Variants in PCDH15 observed in about 807,000 individuals in gnomAD.
PCDH15 encodes the protein protocadherin-15.
PCDH15 carries 129 observed loss-of-function variants against 178.5 expected under a neutral mutation model. The observed-to-expected ratio is 0.72, with a 90% CI of 0.63 to 0.84. The LOEUF is 0.84. Among genes scored for constraint, PCDH15 ranks in the 40% least tolerant of loss-of-function variants. The probability of loss-of-function intolerance (pLI) is 0.00; values close to 1 mark genes in which losing one functional copy is unlikely to be tolerated. For synonymous variants in PCDH15, 800 were observed against 732.0 expected (o/e 1.09, Z -1.50); for missense variants, 2,230 against 2,099.9 (o/e 1.06, Z -1.21).
intron 18 of PCDH15, among the ~76,000 whole-genome samples, chr10:54,037,650 T>C (rs2135483105): frequency 6.6e-6 from 1 of 152,130 alleles, no homozygotes; most frequent in Non-Finnish European, 1.5e-5. Context: ...TGACTCGCTT[T>C]GTTGCAACAT....
intron 2 of PCDH15, among the ~76,000 whole-genome samples, chr10:54,642,148 C>T (rs1480505960): frequency 1.3e-5 from 2 of 151,726 alleles, no homozygotes; most frequent in African/African-American, 4.8e-5. Context: ...GGGATTAATG[C>T]CTTATAAGAG....
chr10:54,597,395 T>G (rs1422991686), intron 2 of PCDH15, among the ~76,000 whole-genome samples: 1 of 151,946 alleles, frequency 6.6e-6, no homozygotes, highest in African/African-American at 2.4e-5. Flanking sequence ...TATTTTGAAA[T>G]TAGTGAGAAC....
chr10:54,969,584 G>A (rs528437135), intron 2 of PCDH15, among the ~76,000 whole-genome samples: 71 of 152,256 alleles, frequency 4.7e-4, no homozygotes, highest in African/African-American at 1.7e-3. Context: ...CTGCCCCTTT[G>A]TACAGATGTT....
intron 2 of PCDH15, among the ~76,000 whole-genome samples, chr10:55,552,115 G>C (rs1842014075): frequency 6.6e-6 from 1 of 151,672 alleles, no homozygotes; most frequent in African/African-American, 2.4e-5. Flanking sequence ...TGCGTAGTCA[G>C]ACTTATTCAA....
At chr10:54,216,421 C>A (rs184175430) in intron 9 of PCDH15, among the ~76,000 whole-genome samples, 67 of 152,300 alleles carry the variant, frequency 4.4e-4, no homozygotes, top group African/African-American at 1.5e-3. Context: ...TGTGCCACTG[C>A]ACTCCAGCCT....
intron 25 of PCDH15, among the ~76,000 whole-genome samples, chr10:53,920,982 T>G (rs1048994165): frequency 3.5e-4 from 54 of 152,300 alleles, no homozygotes; most frequent in African/African-American, 1.2e-3. Context: ...AAATAATTCA[T>G]TTTTTGCACA....
At chr10:54,730,079 C>T (rs1301715568) in intron 1 of PCDH15, among the ~76,000 whole-genome samples, 2 of 151,416 alleles carry the variant, frequency 1.3e-5, no homozygotes, top group African/African-American at 4.8e-5. Context: ...AATCATTCTA[C>T]CATGAAGACA....
At chr10:54,336,121 G>A (rs186929852) in intron 6 of PCDH15, among the ~76,000 whole-genome samples, 26 of 152,206 alleles carry the variant, frequency 1.7e-4, no homozygotes, top group African/African-American at 6.0e-4. Context: ...TAGGTTATTT[G>A]GTGACATAAG....
At chr10:53,953,146 C>CG (rs1490290627) in intron 23 of PCDH15, among the ~76,000 whole-genome samples, 1 of 152,238 alleles carries the variant, frequency 6.6e-6, no homozygotes, top group Non-Finnish European at 1.5e-5. Flanking sequence ...TTGCAGCCAG[C>CG]GTCTTTGCAG....
chr10:54,813,530 TGGGG>T (rs1952900477), intron 3 of PCDH15, among the ~76,000 whole-genome samples: 1 of 152,096 alleles, frequency 6.6e-6, no homozygotes, highest in Admixed American at 6.6e-5. Flanking sequence ...GTTTGCGGGG[TGGGG>T]GATCACTTTC....
intron 3 of PCDH15, among the ~76,000 whole-genome samples, chr10:54,416,307 G>T (rs1954376420): frequency 6.6e-6 from 1 of 152,044 alleles, no homozygotes; most frequent in South Asian, 2.1e-4. Context: ...CCTGATGTGT[G>T]TTGTTCCCAT....
intron 3 of PCDH15, among the ~76,000 whole-genome samples, chr10:54,510,145 A>C (rs920666369): frequency 6.6e-6 from 1 of 152,170 alleles, no homozygotes; most frequent in Admixed American, 6.6e-5. Flanking sequence ...AGTCAAAAAA[A>C]TTGCTTTTAT....
chr10:55,272,134 TAATA>T (rs1842461428), intron 1 of PCDH15, among the ~76,000 whole-genome samples: 2 of 152,084 alleles, frequency 1.3e-5, no homozygotes, highest in Non-Finnish European at 2.9e-5. Flanking sequence ...GTAGGGAACT[TAATA>T]ATTATCCAGA....
intron 25 of PCDH15, among the ~76,000 whole-genome samples, chr10:53,914,314 C>G (rs143823577): frequency 1.3e-5 from 2 of 152,152 alleles, no homozygotes; most frequent in East Asian, 3.9e-4. Context: ...CACATGCACA[C>G]GTATGTTTAT....
Position 55,432,082 on chromosome 10 carries a change from A to AACACAAACACACACAC in PCDH15, c.-156+195542_-156+195543insGTGTGTGTGTTTGTGT, listed in dbSNP as rs1554867450. On this transcript the variant is annotated intron_variant, in intron 2 of 5. Transcript: ENST00000613346. ...TTGGGATAGGCAGAGCTATCATTTA[A>AACACAAACACACACAC]ACACACACACACACACACACACACA... Among the ~76,000 whole-genome samples, 3 of 148,402 alleles carry AACACAAACACACACAC rather than the reference A, an allele frequency of 2.0e-5. No individual in the cohort carries two copies. In the South Asian group the frequency reaches 6.5e-4, roughly 32 times the overall value.
rs114402545 is a variant in PCDH15, at chr10:55,131,627, A to C, written c.-80+34949T>G. 3.7e-3 allele frequency among the ~76,000 whole-genome samples: 564 copies of C among 152,244 alleles called. 3 individuals are homozygous for C. Among genetic ancestry groups the C allele is most frequent in the African/African-American group, 0.013 (535 of 41,554 alleles). ...TTATTGAGTGTCATTACAGCTCTTA[A>C]GAGACCCAAAGTGGGTAGCTCCTTT... On this transcript the variant is annotated intron_variant, in intron 2 of 5. Coordinates refer to the PCDH15 transcript ENST00000458638.
chr10:54,430,986 T>C (rs1356869067), intron 3 of PCDH15, among the ~76,000 whole-genome samples: 1 of 152,018 alleles, frequency 6.6e-6, no homozygotes, highest in African/African-American at 2.4e-5. Context: ...TGAACAACTA[T>C]ATACCAATAA....
intron 3 of PCDH15, among the ~76,000 whole-genome samples, chr10:54,401,041 C>T (rs985521318): frequency 3.3e-4 from 50 of 151,660 alleles, no homozygotes; most frequent in African/African-American, 1.2e-3. Flanking sequence ...ATTTTCGAAA[C>T]CATTCATAAT....
At chr10:55,549,963 A>C (rs180712733) in intron 2 of PCDH15, among the ~76,000 whole-genome samples, 4 of 151,952 alleles carry the variant, frequency 2.6e-5, no homozygotes, top group Admixed American at 2.0e-4. Context: ...ATTTTAGTGA[A>C]CTTTGTATTT....
Sources: allele counts gnomAD v4.1 joint callset (sites outside exome capture counted in the v4.1 genomes callset), GRCh38; gene constraint gnomAD v4.1.1; transcripts MANE v1.5; gene names NCBI Gene and HGNC (gene_info 2026-07-23, HGNC 2026-07-21).